NLGN1: variants seen among roughly 807,000 people sequenced by gnomAD.
The protein encoded by NLGN1 is neuroligin 1, also known as neuroligin-1.
A neutral mutation model predicts 65.5 loss-of-function variants in NLGN1; 12 were observed. The observed-to-expected ratio is 0.18, with a 90% CI of 0.12 to 0.30. NLGN1 has a LOEUF of 0.30. NLGN1 is among the 10% of genes least tolerant of loss of function. The probability of loss-of-function intolerance (pLI) is 1.00; values close to 1 mark genes in which losing one functional copy is unlikely to be tolerated. For synonymous variants in NLGN1, 350 were observed against 359.5 expected (o/e 0.97, Z 0.30); for missense variants, 750 against 1,007.1 (o/e 0.74, Z 3.46).
chr3:173,510,340 A>G lies in NLGN1; in HGVS notation c.-321+75262A>G, dbSNP rs376057466. 1.1e-4 allele frequency among the ~76,000 whole-genome samples: 17 copies of G among 152,232 alleles called. 1 individual carries two copies. Among genetic ancestry groups the G allele is most frequent in the Admixed American group, 2.0e-4 (3 of 15,284 alleles). On this transcript the variant is annotated intron_variant, in intron 2 of 6. Transcript: ENST00000457714. ...GTCTCCATTAGGCTCAGCAGGTGAT[A>G]TCATCACTGTCTGTATGATTAAATG...
At chr3:173,510,295 T>A (rs1398240843) in intron 2 of NLGN1, among the ~76,000 whole-genome samples, 6 of 152,232 alleles carry the variant, frequency 3.9e-5, no homozygotes, top group Admixed American at 6.5e-5. Context: ...AACTTAATAC[T>A]GCACTCTTGG....
intron 4 of NLGN1, among the ~76,000 whole-genome samples, chr3:174,139,805 C>T (rs1276571971): frequency 6.6e-6 from 1 of 152,106 alleles, no homozygotes; most frequent in South Asian, 2.1e-4. Flanking sequence ...TTTGGCCATT[C>T]TAATAGATAT....
At chr3:174,242,179 G>C (rs1021464689) in intron 4 of NLGN1, among the ~76,000 whole-genome samples, 2 of 152,044 alleles carry the variant, frequency 1.3e-5, no homozygotes, top group African/African-American at 4.8e-5. Context: ...AGTGCATCGG[G>C]ATTGAATGAG....
At chr3:174,165,137 T>A (rs1305932773) in intron 4 of NLGN1, among the ~76,000 whole-genome samples, 1 of 151,902 alleles carries the variant, frequency 6.6e-6, no homozygotes, top group East Asian at 1.9e-4. Flanking sequence ...ATATTATTGG[T>A]TTATAGAAAT....
At chr3:173,537,155 A>T (rs1028707794) in intron 2 of NLGN1, among the ~76,000 whole-genome samples, 5 of 152,194 alleles carry the variant, frequency 3.3e-5, no homozygotes, top group Admixed American at 6.6e-5. Flanking sequence ...CACACAAAAG[A>T]ATGTCTGGGC....
chr3:173,504,990 C>G (rs371971642), intron 2 of NLGN1, among the ~76,000 whole-genome samples: 26 of 152,154 alleles, frequency 1.7e-4, no homozygotes, highest in Middle Eastern at 6.8e-3. Flanking sequence ...AGTTGACTCT[C>G]TCATGGACAC....
chr3:174,236,886 C>T (rs569903562), intron 4 of NLGN1, among the ~76,000 whole-genome samples: 36 of 152,060 alleles, frequency 2.4e-4, no homozygotes, highest in African/African-American at 8.7e-4. Context: ...CCAGTTAGTA[C>T]ACAATTTTCA....
intron 4 of NLGN1, among the ~76,000 whole-genome samples, chr3:174,107,001 CACACACACACACACACAGAGAGAGAG>C (rs1713999566): frequency 8.7e-6 from 1 of 115,030 alleles, no homozygotes; most frequent in African/African-American, 4.1e-5. Flanking sequence ...CACACACACA[CACACACACACACACACAGAGAGAGAG>C]AGAGAGAGAG....
chr3:174,245,529 G>T (rs944181259), intron 4 of NLGN1, among the ~76,000 whole-genome samples: 2 of 152,060 alleles, frequency 1.3e-5, no homozygotes, highest in African/African-American at 4.8e-5. Context: ...TTCTTGGTTT[G>T]TTGGTTTTCA....
chr3:174,274,168 TAA>T (rs937695757), intron 4 of NLGN1, among the ~76,000 whole-genome samples: 1 of 143,910 alleles, frequency 6.9e-6, no homozygotes, highest in Non-Finnish European at 1.5e-5. Flanking sequence ...AATAGGACTC[TAA>T]ATATTTTCTA....
intron 3 of NLGN1, among the ~76,000 whole-genome samples, chr3:173,669,632 C>T (rs1762196078): frequency 6.6e-6 from 1 of 152,210 alleles, no homozygotes. Flanking sequence ...AAATAGGTTG[C>T]ATTCTGAAGT....
At chr3:174,230,451 T>G (rs1740501039) in intron 4 of NLGN1, among the ~76,000 whole-genome samples, 1 of 151,962 alleles carries the variant, frequency 6.6e-6, no homozygotes, top group Admixed American at 6.5e-5. Flanking sequence ...ATTATTGGTG[T>G]GTAAACTTTC....
chr3:173,920,757 C>T (rs1741833517), intron 4 of NLGN1: 1 of 152,092 alleles, frequency 6.6e-6, no homozygotes, highest in Admixed American at 6.6e-5. Flanking sequence ...TGCTCCAGGT[C>T]TTTCAACCTG....
chr3:173,474,609 T>C (rs1018436832), intron 2 of NLGN1, among the ~76,000 whole-genome samples: 1 of 152,188 alleles, frequency 6.6e-6, no homozygotes, highest in African/African-American at 2.4e-5. Context: ...TGTCACAGTT[T>C]TCCTTGGTTA....
chr3:173,607,184 T>G (rs1413564606), intron 3 of NLGN1, among the ~76,000 whole-genome samples: 1 of 151,942 alleles, frequency 6.6e-6, no homozygotes, highest in Non-Finnish European at 1.5e-5. Flanking sequence ...TTTTTCATTG[T>G]TCTTTGTATT....
At chr3:173,737,187 G>A (rs865993505) in intron 3 of NLGN1, among the ~76,000 whole-genome samples, 10 of 151,570 alleles carry the variant, frequency 6.6e-5, no homozygotes, top group South Asian at 4.2e-4. Context: ...ACTAGACAAC[G>A]AAAGACAACT....
chr3:174,259,360 A>ACATCACCTCTCTCTCTTGCTCTCT (rs1387198491), intron 4 of NLGN1, among the ~76,000 whole-genome samples: 6 of 151,862 alleles, frequency 4.0e-5, no homozygotes, highest in Admixed American at 3.9e-4. Flanking sequence ...GATTTCTCAC[A>ACATCACCTCTCTCTCTTGCTCTCT]CATCACCTCT....
At chr3:173,867,609 TTAAAA>T (rs1375207416) in intron 4 of NLGN1, among the ~76,000 whole-genome samples, 1 of 152,016 alleles carries the variant, frequency 6.6e-6, no homozygotes, top group East Asian at 1.9e-4. Flanking sequence ...TGTTAGTAAA[TTAAAA>T]TATTATTTAA....
intron 2 of NLGN1, among the ~76,000 whole-genome samples, chr3:173,492,596 T>C (rs1729365193): frequency 6.6e-6 from 1 of 151,888 alleles, no homozygotes; most frequent in African/African-American, 2.4e-5. Context: ...TCTATTTAAT[T>C]AAATTATTAC....
Sources: gnomAD v4.1 joint callset for allele counts (sites outside exome capture counted in the v4.1 genomes callset) on GRCh38, gnomAD v4.1.1 for gene constraint, MANE v1.5 for transcripts, NCBI Gene and HGNC (gene_info 2026-07-23, HGNC 2026-07-21) for gene names.